The following SLC9A7 variants were observed in gnomAD, a reference collection of about 807,000 sequenced individuals.
SLC9A7 encodes the protein sodium/hydrogen exchanger 7.
A neutral mutation model predicts 52.6 loss-of-function variants in SLC9A7; 19 were observed. That is an observed-to-expected ratio of 0.36 (90% CI 0.25 to 0.53). The LOEUF (loss-of-function observed/expected upper bound fraction) is 0.53. Among genes scored for constraint, SLC9A7 ranks in the 20% least tolerant of loss-of-function variants. SLC9A7 has a pLI of 0.91. For synonymous variants in SLC9A7, 226 were observed against 252.1 expected, an observed-to-expected ratio of 0.90 and a Z score of 0.98; for missense variants, 455 against 597.9, an observed-to-expected ratio of 0.76 and a Z score of 2.49.
At chrX:46,635,490 G>A in intron 13 of SLC9A7, 99 bp downstream of exon 13, 2 of 676,317 alleles carry the variant, frequency 3.0e-6, no homozygotes, top group South Asian at 5.1e-5. Context: ...GGCACACGCA[G>A]GAAGGAAGAG....
At chrX:46,683,932 G>T (rs1326407225) in intron 1 of SLC9A7, among the ~76,000 whole-genome samples, 1 of 111,769 alleles carries the variant, frequency 8.9e-6, no homozygotes, top group Non-Finnish European at 1.9e-5. Context: ...TTATCACCAA[G>T]ATATATAAGA....
intron 14 of SLC9A7, among the ~76,000 whole-genome samples, chrX:46,624,612 G>A (rs780213056): frequency 8.9e-6 from 1 of 112,032 alleles, no homozygotes; most frequent in Non-Finnish European, 1.9e-5. Context: ...TTAAATATTT[G>A]TGAAATATTT....
chrX:46,741,463 C>T (rs1188044689), intron 1 of SLC9A7, among the ~76,000 whole-genome samples: 1 of 110,411 alleles, frequency 9.1e-6, no homozygotes, highest in Non-Finnish European at 1.9e-5. Flanking sequence ...ATAGAAAGTC[C>T]GGAAATAGAT....
At chrX:46,627,777 T>C (rs867691835) in intron 14 of SLC9A7, among the ~76,000 whole-genome samples, 1 of 32,744 alleles carries the variant, frequency 3.1e-5, no homozygotes, top group Non-Finnish European at 4.8e-5. Flanking sequence ...AATGGGCGGG[T>C]TGGGGGGGGG....
chrX:46,710,558 A>C (rs939501230), intron 1 of SLC9A7, among the ~76,000 whole-genome samples: 1 of 110,923 alleles, frequency 9.0e-6, no homozygotes, highest in Non-Finnish European at 1.9e-5. Context: ...AATGCACCTG[A>C]GATTCGTTTA....
At chrX:46,653,011 T>A (rs1943608424) in intron 8 of SLC9A7, among the ~76,000 whole-genome samples, 1 of 112,397 alleles carries the variant, frequency 8.9e-6, no homozygotes, top group Non-Finnish European at 1.9e-5. Flanking sequence ...AAAATTTTAA[T>A]AGATTCTTTG....
chrX:46,706,291 C>T (rs1944604583), intron 1 of SLC9A7, among the ~76,000 whole-genome samples: 1 of 102,515 alleles, frequency 9.8e-6, no homozygotes, highest in African/African-American at 3.6e-5. Context: ...TAAAATGACA[C>T]GACATCTAGA....
chrX:46,654,681 G>T (rs1408534497), intron 7 of SLC9A7, among the ~76,000 whole-genome samples: 1 of 110,175 alleles, frequency 9.1e-6, no homozygotes, highest in Non-Finnish European at 1.9e-5. Flanking sequence ...GAAGGCACAG[G>T]AAAGAAAGAA....
chrX:46,666,415 T>C (rs1378027000), intron 5 of SLC9A7, among the ~76,000 whole-genome samples: 1 of 112,474 alleles, frequency 8.9e-6, no homozygotes, highest in African/African-American at 3.2e-5. Flanking sequence ...TTATCTCTTT[T>C]ATGACCCAAG....
chrX:46,702,718 T>G (rs1219210628), intron 1 of SLC9A7, among the ~76,000 whole-genome samples: 1 of 112,501 alleles, frequency 8.9e-6, no homozygotes, highest in Non-Finnish European at 1.9e-5. Context: ...ATGTCTTTGT[T>G]ATTGTGAATA....
At chrX:46,626,894 T>C (rs1169508811) in intron 14 of SLC9A7, among the ~76,000 whole-genome samples, 1 of 112,146 alleles carries the variant, frequency 8.9e-6, no homozygotes, top group African/African-American at 3.2e-5. Context: ...CAATTAAACC[T>C]TTTCTTCATA....
In SLC9A7 at chrX:46,643,775, G is replaced by A. The variant is rs150065433; in HGVS notation, c.1463-386C>T. 9.4e-3 allele frequency among the ~76,000 whole-genome samples: 1,057 copies of A among 112,256 alleles called. 3 individuals carry two copies. The highest frequency in any genetic ancestry group is 0.015 in the Non-Finnish European group (774 of 53,244). On this transcript the variant is annotated intron_variant, in intron 11 of 16. Coordinates refer to ENST00000616978, the MANE Select transcript of SLC9A7 (RefSeq NM_001257291.2). Reference sequence around the variant, plus strand: ...TAAATTTAAAAAACAGGCTAGGTACGAGTATGTCAAATTTGTGGAAAACAG... The same window carrying A: ...TAAATTTAAAAAACAGGCTAGGTACAAGTATGTCAAATTTGTGGAAAACAG...
At chrX:46,729,916 G>A (rs920663020) in intron 1 of SLC9A7, among the ~76,000 whole-genome samples, 3 of 111,795 alleles carry the variant, frequency 2.7e-5, no homozygotes, top group African/African-American at 9.8e-5. Context: ...TTAACTCAGA[G>A]GTTCATTCTA....
Position 46,620,966 on chromosome X carries a change from TA to T in SLC9A7, c.1823+10del. On this transcript the variant is annotated intron_variant, in intron 15 of 16. Coordinates refer to ENST00000616978, the MANE Select transcript of SLC9A7 (RefSeq NM_001257291.2). ...TTTCACCGACACAGGGGATGCTACT[TA>T]AAAGGATACTTGTGATCAAAGCTGT... The T allele has an allele frequency of 8.5e-7, 1 of 1,174,302 alleles. No individual in the cohort carries two copies. Among genetic ancestry groups the T allele is most frequent in the Non-Finnish European group, 1.2e-6 (1 of 865,305 alleles).
At chrX:46,741,286 T>C (rs940995490) in intron 1 of SLC9A7, among the ~76,000 whole-genome samples, 1 of 111,802 alleles carries the variant, frequency 8.9e-6, no homozygotes, top group Non-Finnish European at 1.9e-5. Context: ...AACCTGACTC[T>C]AAAATGTATA....
intron 7 of SLC9A7, among the ~76,000 whole-genome samples, chrX:46,656,861 A>C (rs1224567300): frequency 9.5e-6 from 1 of 105,686 alleles, no homozygotes; most frequent in Non-Finnish European, 1.9e-5. Flanking sequence ...AGATTCAGGA[A>C]ATACAGAGAA....
Position 46,672,604 on chromosome X carries a change from T to A in SLC9A7, c.627A>T (p.Gly209=). The A allele has an allele frequency of 8.3e-7, 1 of 1,203,531 alleles. No individual in the cohort carries two copies. The highest frequency in any genetic ancestry group is 1.1e-6 in the Non-Finnish European group (1 of 889,818). ...LKKRHFFRNL[G]SILAYAFLGT... ...CCAAGAAGGCATAGGCCAGTATAGA[T>A]CCAAGATTTCTGAAAAAGTGTCTCT... The change falls in exon 4 of 17, where the codon GGA becomes GGT. Residue 209 remains glycine (G), a synonymous_variant. Transcript: ENST00000616978.
intron 8 of SLC9A7, among the ~76,000 whole-genome samples, chrX:46,653,395 T>C (rs1943615570): frequency 1.8e-5 from 2 of 111,311 alleles, no homozygotes; most frequent in Non-Finnish European, 3.8e-5. Flanking sequence ...ACCCTGTCTC[T>C]AAAAAAATAA....
rs192953911 is a variant in SLC9A7, at chrX:46,669,190, T to A, written c.793+417A>T. Among the ~76,000 whole-genome samples, 530 of 108,116 alleles carry A rather than the reference T, an allele frequency of 4.9e-3. 1 individual carries two copies. Among genetic ancestry groups the A allele is most frequent in the African/African-American group, 0.017 (501 of 29,754 alleles). The allele number at this position is 108,116 out of a possible 115,157, so 93.9% of individuals were successfully genotyped here. Reference sequence around the variant, plus strand: ...CTCAAAAAAAAAAAAAAAGGAATTGTTAAGATAGTAAATTTTATGTCAGGC... The same window carrying A: ...CTCAAAAAAAAAAAAAAAGGAATTGATAAGATAGTAAATTTTATGTCAGGC... On this transcript the variant is annotated intron_variant, in intron 5 of 16. Coordinates refer to ENST00000616978, the MANE Select transcript of SLC9A7 (RefSeq NM_001257291.2).
Sources: allele counts gnomAD v4.1 joint callset (sites outside exome capture counted in the v4.1 genomes callset), GRCh38; gene constraint gnomAD v4.1.1; transcripts MANE v1.5; gene names NCBI Gene and HGNC (gene_info 2026-07-23, HGNC 2026-07-21).